MGMT: variants seen among roughly 807,000 people sequenced by gnomAD.
MGMT encodes the protein methylated-DNA--protein-cysteine methyltransferase.
A neutral mutation model predicts 15.9 loss-of-function variants in MGMT; 14 were observed. That is an observed-to-expected ratio of 0.88 (90% CI 0.58 to 1.37). The LOEUF (loss-of-function observed/expected upper bound fraction) is 1.37, where lower values mean the gene tolerates loss of function less well. Ranked by LOEUF, MGMT falls within the 40% of genes most tolerant of loss-of-function variation. MGMT has a pLI of 0.00. For synonymous variants in MGMT, 130 were observed against 118.2 expected, an observed-to-expected ratio of 1.10 and a Z score of -0.65; for missense variants, 282 against 268.1, an observed-to-expected ratio of 1.05 and a Z score of -0.36.
chr10:129,646,000 G>A (rs1331549242), intron 2 of MGMT, among the ~76,000 whole-genome samples: 1 of 152,148 alleles, frequency 6.6e-6, no homozygotes, highest in Non-Finnish European at 1.5e-5. Flanking sequence ...TTGTGACCAA[G>A]TCGTTTCCTT....
intron 2 of MGMT, among the ~76,000 whole-genome samples, chr10:129,622,564 T>C (rs1847102294): frequency 6.6e-6 from 1 of 152,230 alleles, no homozygotes; most frequent in Non-Finnish European, 1.5e-5. Flanking sequence ...CACAGAGGTA[T>C]GGTTAACTAT....
chr10:129,706,502 C>T (rs918438727), intron 2 of MGMT, among the ~76,000 whole-genome samples: 7 of 152,192 alleles, frequency 4.6e-5, no homozygotes, highest in African/African-American at 1.4e-4. Context: ...AGTGCAGTGA[C>T]GTTTCCCACC....
At chr10:129,581,177 T>G (rs1041912038) in intron 2 of MGMT, among the ~76,000 whole-genome samples, 4 of 152,232 alleles carry the variant, frequency 2.6e-5, no homozygotes, top group African/African-American at 9.6e-5. Flanking sequence ...CCGTGACCTG[T>G]CGCGGGCTGA....
intron 2 of MGMT, among the ~76,000 whole-genome samples, chr10:129,702,955 C>T (rs949522742): frequency 6.6e-6 from 1 of 152,080 alleles, no homozygotes; most frequent in Non-Finnish European, 1.5e-5. Context: ...CTTCCAGGGC[C>T]GAGCGCGGCA....
chr10:129,511,464 C>T (rs1269317352), intron 1 of MGMT, among the ~76,000 whole-genome samples: 7 of 148,530 alleles, frequency 4.7e-5, no homozygotes, highest in African/African-American at 1.0e-4. Flanking sequence ...ATGGGAACCC[C>T]GTATACCAGA....
chr10:129,747,446 T>C (rs912905448), intron 3 of MGMT, among the ~76,000 whole-genome samples: 1 of 152,216 alleles, frequency 6.6e-6, no homozygotes, highest in Non-Finnish European at 1.5e-5. Context: ...ATATAGATTA[T>C]GTGTTTTTCT....
intron 1 of MGMT, among the ~76,000 whole-genome samples, chr10:129,519,879 C>T (rs932148506): frequency 1.2e-4 from 18 of 152,232 alleles, no homozygotes; most frequent in African/African-American, 3.6e-4. Context: ...GGCCTCTCTA[C>T]ACCATGACTT....
chr10:129,655,136 A>C (rs1346646427), intron 2 of MGMT, among the ~76,000 whole-genome samples: 3 of 152,172 alleles, frequency 2.0e-5, no homozygotes, highest in African/African-American at 7.2e-5. Context: ...GCATGGAAAG[A>C]AAGCACTGCA....
chr10:129,656,667 G>A (rs1172503664), intron 2 of MGMT, among the ~76,000 whole-genome samples: 1 of 152,134 alleles, frequency 6.6e-6, no homozygotes, highest in African/African-American at 2.4e-5. Context: ...GAAAGGCAGG[G>A]ACAACTCGAA....
intron 3 of MGMT, among the ~76,000 whole-genome samples, chr10:129,721,269 T>A (rs1848368006): frequency 6.6e-6 from 1 of 152,278 alleles, no homozygotes; most frequent in Non-Finnish European, 1.5e-5. Context: ...TTCTAGGTTG[T>A]GTGCCCTAGT....
intron 2 of MGMT, among the ~76,000 whole-genome samples, chr10:129,540,995 C>T (rs1259880732): frequency 6.6e-6 from 1 of 152,244 alleles, no homozygotes; most frequent in Non-Finnish European, 1.5e-5. Flanking sequence ...CTGCCCTCAC[C>T]CTTCTCCGAG....
intron 1 of MGMT, among the ~76,000 whole-genome samples, chr10:129,481,006 G>C (rs1216652138): frequency 6.6e-6 from 1 of 152,216 alleles, no homozygotes; most frequent in East Asian, 1.9e-4. Context: ...AGAATGTTTA[G>C]AAGGTCAAGA....
chr10:129,738,902 T>G (rs1848597499), intron 3 of MGMT, among the ~76,000 whole-genome samples: 1 of 152,186 alleles, frequency 6.6e-6, no homozygotes, highest in Admixed American at 6.5e-5. Flanking sequence ...GTGAAAATCT[T>G]CAATAAAATG....
intron 2 of MGMT, among the ~76,000 whole-genome samples, chr10:129,633,644 C>T (rs1461560500): frequency 6.6e-6 from 1 of 152,186 alleles, no homozygotes; most frequent in Non-Finnish European, 1.5e-5. Context: ...ACAATTACCT[C>T]CCATCTCACA....
At chr10:129,707,597 G>A (rs78009444) in intron 2 of MGMT, among the ~76,000 whole-genome samples, 30 of 152,300 alleles carry the variant, frequency 2.0e-4, no homozygotes, top group African/African-American at 7.0e-4. Context: ...TGATGATTTA[G>A]GTGCAGCCGT....
At chr10:129,534,497 A>G (rs1359398448) in intron 1 of MGMT, among the ~76,000 whole-genome samples, 1 of 151,862 alleles carries the variant, frequency 6.6e-6, no homozygotes, top group African/African-American at 2.4e-5. Flanking sequence ...CTTGAGAGTA[A>G]TGCTTCTACA....
chr10:129,734,393 T>G (rs1848536668), intron 3 of MGMT, among the ~76,000 whole-genome samples: 3 of 148,296 alleles, frequency 2.0e-5, no homozygotes, highest in Non-Finnish European at 4.5e-5. Context: ...ATGCTTGTGA[T>G]TTTTGTACAT....
chr10:129,727,615 C>T (rs968432580), intron 3 of MGMT, among the ~76,000 whole-genome samples: 2 of 152,212 alleles, frequency 1.3e-5, no homozygotes, highest in South Asian at 2.1e-4. Flanking sequence ...TGGTCCTTGT[C>T]CTTTCCTCTG....
chr10:129,640,984 A>G (rs1847322001), intron 2 of MGMT, among the ~76,000 whole-genome samples: 1 of 152,348 alleles, frequency 6.6e-6, no homozygotes, highest in East Asian at 1.9e-4. Flanking sequence ...TAAGACAAAG[A>G]TGTCTGTCCA....
Sources: gnomAD v4.1 joint callset for allele counts (sites outside exome capture counted in the v4.1 genomes callset) on GRCh38, gnomAD v4.1.1 for gene constraint, MANE v1.5 for transcripts, NCBI Gene and HGNC (gene_info 2026-07-23, HGNC 2026-07-21) for gene names.